Variants in PASK observed in about 807,000 individuals in gnomAD.
PASK encodes PAS domain-containing serine/threonine-protein kinase.
In PASK, 110 loss-of-function variants were observed where a neutral mutation model predicts 121.0. The ratio of observed to expected loss-of-function variants is 0.91; its 90% CI spans 0.78 to 1.06. The LOEUF is 1.06. Among genes scored for constraint, PASK ranks in the 50% least tolerant of loss-of-function variants. The pLI, the probability that PASK is intolerant of heterozygous loss-of-function variation, is 0.00. For synonymous variants in PASK, 686 were observed against 717.8 expected (o/e 0.96, Z 0.71); for missense variants, 1,643 against 1,702.3 (o/e 0.97, Z 0.61).
intron 9 of PASK, among the ~76,000 whole-genome samples, chr2:241,130,757 C>T (rs552399786): frequency 1.5e-4 from 23 of 152,240 alleles, no homozygotes; most frequent in African/African-American, 5.5e-4. Flanking sequence ...GAGAAAGCAC[C>T]GGCACATCGG....
rs111299889 is a variant in PASK at position 241,107,522 on chromosome 2, T to C, written c.3668-23A>G. 2.4e-4 allele frequency: 395 copies of C among 1,612,332 alleles called. No individual in the cohort carries two copies. The African/African-American group carries it at 4.6e-3, about 19-fold the overall frequency. On this transcript the variant is annotated intron_variant, in intron 16 of 17. Coordinates refer to ENST00000234040, the MANE Select transcript of PASK (RefSeq NM_015148.4). ...GTTCTGGGGACACAAAGAACACAGA[T>C]GGTAGGTCCAGATTGGGATGAAGTG... is the stretch of plus-strand genomic sequence containing the variant.
Position 241,132,956 on chromosome 2 carries a change from G to A in PASK, c.1381C>T (p.Gln461Ter). Residue 461 changes from glutamine to a stop codon, truncating the protein, a stop_gained, in exon 9 of 18, where the codon CAA becomes TAA. Transcript: ENST00000234040. LOFTEE classifies it high-confidence loss of function. ...GTCTGAGTCCCGGTGAAGATGTCTT[G>A]GCTTTCCATCAGCTTCCGGATCTCA... ...RDEIRKLMES[Q>*]DIFTGTQTEL... The A allele has an allele frequency of 6.2e-7, 1 of 1,613,902 alleles. No homozygotes were observed. Among genetic ancestry groups the A allele is most frequent in the Non-Finnish European group, 8.5e-7 (1 of 1,179,812 alleles).
intron 15 of PASK, chr2:241,109,777 T>G (rs1054145627): frequency 1.3e-5 from 2 of 152,284 alleles, no homozygotes; most frequent in Non-Finnish European, 2.9e-5. Flanking sequence ...TCAAGATGTT[T>G]AGAAGCTGAA....
rs1439169103 is a variant in PASK at position 241,127,445 on chromosome 2, G to A, written c.1470C>T (p.Asp490=). ...CLSPQPAPGV[D]NVPEGSLPVH... ...CTGGCAGGCTTCCTTCTGGGACATT[G>A]TCCACCCTGGGGATAATGACATGGG... is the stretch of plus-strand genomic sequence containing the variant. The change falls in exon 10 of 18, where the codon GAC becomes GAT. Residue 490 remains aspartate, a synonymous_variant. Coordinates refer to ENST00000234040, the MANE Select transcript of PASK (RefSeq NM_015148.4). 12 of 1,612,876 alleles carry A rather than the reference G, an allele frequency of 7.4e-6. No homozygotes were observed. The highest frequency in any genetic ancestry group is 1.7e-5 in the Admixed American group (1 of 60,020).
intron 1 of PASK, among the ~76,000 whole-genome samples, chr2:241,145,381 C>A (rs1241062444): frequency 1.3e-5 from 2 of 152,088 alleles, no homozygotes; most frequent in Non-Finnish European, 2.9e-5. Context: ...CCGAGCCACT[C>A]TAGAAGCTAA....
At position 241,124,047 on chromosome 2, in the gene PASK, G is replaced by A. The variant is rs1369786141; in HGVS notation, c.2806C>T (p.Gln936Ter). 1.9e-6 allele frequency: 3 copies of A among 1,613,718 alleles called. No individual in the cohort carries two copies. The highest frequency in any genetic ancestry group is 2.5e-6 in the Non-Finnish European group (3 of 1,179,962). ...CGGGTCCTGGCGGCTGAGTCGCGTT[G>A]GCTGTGGAGGAGGTCTTTCACCAGC... ...CWLVKDLLHSQRDSAARTRLF... is the reference protein window; with the variant it reads ...CWLVKDLLHS The change falls in exon 11 of 18, where the codon CAA (glutamine) becomes TAA (stop). Residue 936 changes from glutamine (Q) to a stop codon, truncating the protein, a stop_gained. Coordinates refer to ENST00000234040, the MANE Select transcript of PASK (RefSeq NM_015148.4). LOFTEE classifies it high-confidence loss of function.
At chr2:241,122,631 A>G in intron 12 of PASK, 101 bp downstream of exon 12, 2 of 1,092,056 alleles carry the variant, frequency 1.8e-6, no homozygotes, top group Non-Finnish European at 2.8e-6. Flanking sequence ...TGCCATACCT[A>G]GAGGACTCCT....
intron 14 of PASK, chr2:241,113,204 A>G (rs978154184): frequency 2.0e-5 from 3 of 152,254 alleles, no homozygotes; most frequent in Admixed American, 2.0e-4. Context: ...CATTATACCA[A>G]TCAACTTAGT....
chr2:241,148,868 G>A (rs2067113496), intron 1 of PASK, among the ~76,000 whole-genome samples: 1 of 152,226 alleles, frequency 6.6e-6, no homozygotes, highest in African/African-American at 2.4e-5. Context: ...AAGGCCTCAA[G>A]ACGGCAGCGC....
At chr2:241,122,350 T>C (rs530539709) in intron 12 of PASK, among the ~76,000 whole-genome samples, 26 of 152,320 alleles carry the variant, frequency 1.7e-4, no homozygotes, top group African/African-American at 5.5e-4. Flanking sequence ...AGATTAAGCA[T>C]GTTTTCAGCA....
intron 12 of PASK, among the ~76,000 whole-genome samples, chr2:241,116,659 T>C (rs1257274044): frequency 6.6e-6 from 1 of 152,226 alleles, no homozygotes; most frequent in African/African-American, 2.4e-5. Context: ...AAAACAGTGC[T>C]ACCACAGTCA....
rs2065869981 is a variant in PASK at position 241,126,489 on chromosome 2, T to C, written c.2426A>G (p.Gln809Arg). Residue 809 changes from glutamine to arginine, a missense_variant, in exon 10 of 18, where the codon CAA (glutamine) becomes CGA (arginine). Coordinates refer to ENST00000234040, the MANE Select transcript of PASK (RefSeq NM_015148.4). ...ACAGCTCTCCCGGAACCGTCGGCCT[T>C]GGCCAAGGTCAACACAGGTGCCGGT... ...LLTGTCVDLG[Q>R]GRRFRESCVG... is the part of the protein sequence containing the mutation. 6 of 1,614,116 alleles carry C rather than the reference T, an allele frequency of 3.7e-6. No homozygotes were observed. Among genetic ancestry groups the C allele is most frequent in the Admixed American group, 3.3e-5 (2 of 60,016 alleles).
chr2:241,116,040 G>A (rs2065347721), intron 12 of PASK, among the ~76,000 whole-genome samples: 1 of 135,004 alleles, frequency 7.4e-6, no homozygotes, highest in Admixed American at 7.3e-5. Context: ...GGGCCACCCA[G>A]TCCTCAAGCA....
rs2066624863 is a variant in PASK, at chr2:241,139,931, T to C, written c.554A>G (p.Glu185Gly). Reference protein sequence around the residue: ...DSDVVEALSEEHMEADGHAAV... With the variant: ...DSDVVEALSEGHMEADGHAAV... ...AGCGTGGCCGTCGGCCTCCATGTGC[T>C]CCTCGCTGAGGGCCTCCACCACATC... Residue 185 changes from glutamate (E) to glycine (G), a missense_variant, in exon 4 of 18, where the codon GAG becomes GGG. By Grantham distance (98) the Glu-to-Gly change is moderately conservative. Around this residue, in one of 3 missense-constraint regions of PASK, gnomAD observed 1,176 missense variants for 1,162.2 expected, o/e 1.01. Coordinates refer to ENST00000234040, the MANE Select transcript of PASK (RefSeq NM_015148.4). 1 of 1,614,010 alleles carries C rather than the reference T, an allele frequency of 6.2e-7. No individual in the cohort carries two copies. The highest frequency in any genetic ancestry group is 1.3e-5 in the African/African-American group (1 of 74,912).
intron 9 of PASK, among the ~76,000 whole-genome samples, chr2:241,129,013 G>A (rs1024461587): frequency 8.5e-6 from 1 of 117,770 alleles, no homozygotes; most frequent in African/African-American, 3.1e-5. Context: ...CTCCCTCCAT[G>A]TCTCCCGCCT....
rs2065271706 is a variant in PASK, at chr2:241,115,069, G to T, written c.3307C>A (p.Pro1103Thr). The change falls in exon 14 of 18, where the codon CCC (proline) becomes ACC (threonine). Residue 1103 changes from proline to threonine, a missense_variant. Transcript: ENST00000234040. ...TGTCGGAAGATGTAGCTCGCCAGGG[G>T]CTCATCCAGCCTGGGGTGGCGGTCG... is the stretch of plus-strand genomic sequence containing the variant. ...FIDRHPRLDE[P>T]LASYIFRQLV... is the part of the protein sequence containing the mutation. 1 of 1,614,008 alleles carries T rather than the reference G, an allele frequency of 6.2e-7. No homozygotes were observed. The highest frequency in any genetic ancestry group is 1.7e-5 in the Admixed American group (1 of 59,998).
intron 12 of PASK, among the ~76,000 whole-genome samples, chr2:241,118,385 T>C (rs12620358): frequency 0.023 from 3,530 of 152,232 alleles, 298 homozygotes; most frequent in East Asian, 0.23. Flanking sequence ...AACAAATCCA[T>C]GCATCTATGG....
chr2:241,116,561 A>G (rs2065378479), intron 12 of PASK, among the ~76,000 whole-genome samples: 1 of 152,250 alleles, frequency 6.6e-6, no homozygotes, highest in Non-Finnish European at 1.5e-5. Context: ...ATACAAAGAA[A>G]AGCTATCACT....
chr2:241,136,853 C>G, intron 7 of PASK, 151 bp downstream of exon 7: 2 of 704,006 alleles, frequency 2.8e-6, no homozygotes, highest in Non-Finnish European at 5.0e-6. Flanking sequence ...TGAGCAGGGA[C>G]CTCCCTCCCT....
Sources: gnomAD v4.1 joint callset for allele counts (sites outside exome capture counted in the v4.1 genomes callset) on GRCh38, gnomAD v4.1.1 for gene constraint, gnomAD v4.1.1 regional missense constraint, MANE v1.5 for transcripts, NCBI Gene and HGNC (gene_info 2026-07-23, HGNC 2026-07-21) for gene names.